The following SH3TC1 variants were observed in gnomAD, a reference collection of about 807,000 sequenced individuals.
SH3TC1 encodes SH3 domain and tetratricopeptide repeats 1, also known as SH3 domain and tetratricopeptide repeat-containing protein 1.
SH3TC1 carries 135 observed loss-of-function variants against 117.3 expected under a neutral mutation model. The observed-to-expected ratio is 1.15, with a 90% CI of 1.00 to 1.33. The LOEUF is 1.33. SH3TC1 is among the 40% of genes most tolerant of loss of function. The probability of loss-of-function intolerance (pLI) is 0.00; values close to 1 mark genes in which losing one functional copy is unlikely to be tolerated. For missense variants in SH3TC1, 2,092 were observed against 1,794.3 expected, an observed-to-expected ratio of 1.17 and a Z score of -3.00; for synonymous variants, 898 against 816.9, an observed-to-expected ratio of 1.10 and a Z score of -1.69.
At position 8,232,932 on chromosome 4, in the gene SH3TC1, C is replaced by T. The variant is rs1026316473; in HGVS notation, c.3132-431C>T. 81 of 1,191,788 alleles carry T rather than the reference C, an allele frequency of 6.8e-5. No individual in the cohort carries two copies. In the Admixed American group the frequency reaches 7.5e-4, roughly 11 times the overall value. 73.8% of individuals were successfully genotyped at this position (1,191,788 alleles called of 1,614,324 possible). ...TGTGGCAAGTGGGAGTTCTAGGGCC[C>T]GCCCCAGGCCCGTGGAGCCAGAAGC... On this transcript the variant is annotated intron_variant, in intron 13 of 17. Transcript: ENST00000245105.
chr4:8,214,417 C>G, intron 4 of SH3TC1, 58 bp from the exon 5 acceptor site: 1 of 1,506,902 alleles, frequency 6.6e-7, no homozygotes, highest in Non-Finnish European at 9.2e-7. Flanking sequence ...CGCTGTCCTC[C>G]TGACAGATGC....
At position 8,227,691 on chromosome 4, in the gene SH3TC1, G is replaced by T; in HGVS notation, c.1997G>T (p.Arg666Leu). ...GGCCAGAGCCTGCAGGCCGAGGCCCGGGCCTGCTTCCTGCTGGCCAGGCAC... is the reference window on the plus strand; with the variant it reads ...GGCCAGAGCCTGCAGGCCGAGGCCCTGGCCTGCTTCCTGCTGGCCAGGCAC... ...VGGQSLQAEA[R>L]ACFLLARHHV... The change falls in exon 12 of 18, where the codon CGG becomes CTG. Residue 666 changes from arginine (R) to leucine (L), a missense_variant. By Grantham distance (102) the Arg-to-Leu change is moderately radical. Coordinates refer to ENST00000245105, the MANE Select transcript of SH3TC1 (RefSeq NM_018986.5). The T allele has an allele frequency of 6.4e-7, 1 of 1,553,014 alleles. No individual in the cohort carries two copies. Among genetic ancestry groups the T allele is most frequent in the African/African-American group, 1.4e-5 (1 of 73,540 alleles).
At position 8,183,976 on chromosome 4, in the gene SH3TC1, T is replaced by A. The variant is rs141764893; in HGVS notation, c.-57+1766T>A. ...CATGTTGGCCAGGCTGGTCTCGAAC[T>A]CCTGACCTCATGATCCGCCCACCTC... On this transcript the variant is annotated intron_variant, in intron 1 of 16. Coordinates refer to the SH3TC1 transcript ENST00000508641. The surrounding 1 kb of genome is among the most constrained non-coding windows in gnomAD (Gnocchi z 5.4). 8.8e-3 allele frequency among the ~76,000 whole-genome samples: 1,333 copies of A among 152,206 alleles called. 17 individuals are homozygous for A. The highest frequency in any genetic ancestry group is 0.03 in the African/African-American group (1,261 of 41,518).
In SH3TC1 at chr4:8,209,443, C is replaced by T. The variant is rs1187616117; in HGVS notation, c.173-305C>T. On this transcript the variant is annotated intron_variant, in intron 2 of 17. Transcript: ENST00000245105. The surrounding 1 kb of genome is among the most constrained non-coding windows in gnomAD (Gnocchi z 5.9). ...CAGAGCCCCTGGGAGGAACAGGGCC[C>T]TGTCCACACCCTCACTTTAGCTCTG... Among the ~76,000 whole-genome samples, 2 of 152,212 alleles carry T rather than the reference C, an allele frequency of 1.3e-5. No individual in the cohort carries two copies. The highest frequency in any genetic ancestry group is 2.9e-5 in the Non-Finnish European group (2 of 68,042).
chr4:8,184,484 A>G (rs1178886522), intron 1 of SH3TC1, among the ~76,000 whole-genome samples: 1 of 152,186 alleles, frequency 6.6e-6, no homozygotes, highest in African/African-American at 2.4e-5. Context: ...GGCTCAAATA[A>G]TCCTCCTGGC....
rs1270978244 is a variant in SH3TC1 at position 8,227,435 on chromosome 4, G to A, written c.1741G>A (p.Val581Met). The change falls in exon 12 of 18, where the codon GTG becomes ATG. Residue 581 changes from valine (V) to methionine (M), a missense_variant. Val to Met is a conservative substitution (Grantham distance 21, BLOSUM62 1). Coordinates refer to ENST00000245105, the MANE Select transcript of SH3TC1 (RefSeq NM_018986.5). Reference protein sequence around the residue: ...SRRLKLSQARVYFEEALGALE... With the variant: ...SRRLKLSQARMYFEEALGALE... ...GAGGCTCAAGCTGTCCCAGGCCCGG[G>A]TGTACTTTGAGGAAGCGCTGGGGGC... 3 of 1,558,790 alleles carry A rather than the reference G, an allele frequency of 1.9e-6. No individual in the cohort carries two copies. Among genetic ancestry groups the A allele is most frequent in the African/African-American group, 2.7e-5 (2 of 72,888 alleles).
Position 8,218,296 on chromosome 4 carries a change from C to A in SH3TC1, c.865C>A (p.Pro289Thr). The change falls in exon 8 of 18, where the codon CCC (proline) becomes ACC (threonine). Residue 289 changes from proline (P) to threonine (T), a missense_variant. Pro to Thr is a conservative substitution (Grantham distance 38, BLOSUM62 -1). Coordinates refer to ENST00000245105, the MANE Select transcript of SH3TC1 (RefSeq NM_018986.5). ...GTGGGCTCTTAGGATCCCCCAGGAC[C>A]CCATCGACGATGCCATGGGTGGCCC... ...HQWALRIPQD[P>T]IDDAMGGPVM... 2.5e-6 allele frequency: 4 copies of A among 1,612,478 alleles called. No homozygotes were observed. Among genetic ancestry groups the A allele is most frequent in the Admixed American group, 1.7e-5 (1 of 59,946 alleles).
chr4:8,203,906 G>C (rs930640492), intron 1 of SH3TC1, among the ~76,000 whole-genome samples: 1 of 152,216 alleles, frequency 6.6e-6, no homozygotes, highest in African/African-American at 2.4e-5. Context: ...CCCGCCCAGA[G>C]AGCAGGGTGG....
intron 8 of SH3TC1, 118 bp downstream of exon 8, chr4:8,218,465 G>A (rs1719543192): frequency 4.5e-6 from 3 of 666,478 alleles, no homozygotes; most frequent in Non-Finnish European, 7.4e-6. Flanking sequence ...ATCAGGTAGT[G>A]CAAGAGTAAT....
At chr4:8,229,539 T>TG (rs1720932711) in intron 12 of SH3TC1, among the ~76,000 whole-genome samples, 1 of 70,446 alleles carries the variant, frequency 1.4e-5, no homozygotes, top group Non-Finnish European at 2.9e-5. Context: ...GGGGTGTAAG[T>TG]GGGGGTGAGT....
At chr4:8,219,010 G>A (rs897998457) in intron 8 of SH3TC1, among the ~76,000 whole-genome samples, 4 of 152,202 alleles carry the variant, frequency 2.6e-5, no homozygotes, top group East Asian at 1.9e-4. Flanking sequence ...TGCAGGAGCC[G>A]GGTGGGGAGT....
chr4:8,202,291 C>A (rs950350869), intron 1 of SH3TC1, among the ~76,000 whole-genome samples: 1 of 152,348 alleles, frequency 6.6e-6, no homozygotes. Context: ...GCTCTCCAGG[C>A]GTGACCAGGG....
At chr4:8,184,258 G>A (rs765958416) in intron 1 of SH3TC1, among the ~76,000 whole-genome samples, 14 of 152,118 alleles carry the variant, frequency 9.2e-5, no homozygotes, top group Non-Finnish European at 1.6e-4. Flanking sequence ...ATCTGTAACC[G>A]CCCACTCCAA....
rs763086307 is a variant in SH3TC1 at position 8,231,968 on chromosome 4, C to T, written c.2951-8C>T. ...AGGCTGACGTCTTCCTTTTTGTCTT[C>T]TGCCCAGGCCAGCTGCGGGCCGTCC... On this transcript the variant is annotated splice_region_variant and splice_polypyrimidine_tract_variant and intron_variant, in intron 12 of 17. Transcript: ENST00000245105. 1.9e-6 allele frequency: 3 copies of T among 1,609,602 alleles called. No individual in the cohort carries two copies. In the African/African-American group the frequency reaches 4.0e-5, roughly 21 times the overall value.
chr4:8,197,788 G>A (rs1049961338), upstream of SH3TC1, among the ~76,000 whole-genome samples: 1 of 152,250 alleles, frequency 6.6e-6, no homozygotes, highest in Non-Finnish European at 1.5e-5. Context: ...TCAGTGGGGC[G>A]GAGGGAGGGT....
upstream of SH3TC1, among the ~76,000 whole-genome samples, chr4:8,196,241 G>C (rs1717553709): frequency 6.6e-6 from 1 of 152,362 alleles, no homozygotes; most frequent in African/African-American, 2.4e-5. The surrounding 1 kb of genome is among the most constrained non-coding windows in gnomAD (Gnocchi z 4.6). Flanking sequence ...GACACCCAGG[G>C]CTACTTGGAG....
rs116316906 is a variant in SH3TC1 at position 8,211,842 on chromosome 4, G to A, written c.248-859G>A. On this transcript the variant is annotated intron_variant, in intron 3 of 17. Coordinates refer to ENST00000245105, the MANE Select transcript of SH3TC1 (RefSeq NM_018986.5). ...GAATGGGACACAGCAGACAGAGCACGTGCCCACCCCTGCGGAAGATTCCGC... is the reference window on the plus strand; with the variant it reads ...GAATGGGACACAGCAGACAGAGCACATGCCCACCCCTGCGGAAGATTCCGC... Among the ~76,000 whole-genome samples the A allele has an allele frequency of 9.1e-4, 139 of 152,200 alleles. 2 individuals carry two copies. Among genetic ancestry groups the A allele is most frequent in the Non-Finnish European group, 1.6e-3 (108 of 68,028 alleles).
At chr4:8,198,439 G>A (rs1717635020), upstream of SH3TC1, among the ~76,000 whole-genome samples, 1 of 152,246 alleles carries the variant, frequency 6.6e-6, no homozygotes, top group African/African-American at 2.4e-5. Flanking sequence ...CCACGTGGGT[G>A]CTCACACTCC....
chr4:8,227,860 G>T lies in SH3TC1; in HGVS notation c.2166G>T (p.Leu722=). The T allele has an allele frequency of 6.2e-7, 1 of 1,612,810 alleles. No individual in the cohort carries two copies. The highest frequency in any genetic ancestry group is 8.5e-7 in the Non-Finnish European group (1 of 1,179,976). Residue 722 remains leucine (L), a synonymous_variant, in exon 12 of 18, where the codon CTG becomes CTT. Coordinates refer to ENST00000245105, the MANE Select transcript of SH3TC1 (RefSeq NM_018986.5). ...LLADIYSRKC[L]PHLVLSCVKV... ...CTGACATCTACAGCCGCAAGTGCCTGCCCCACCTGGTGCTGAGCTGTGTCA... is the reference window on the plus strand; with the variant it reads ...CTGACATCTACAGCCGCAAGTGCCTTCCCCACCTGGTGCTGAGCTGTGTCA...
Sources: gnomAD v4.1 joint callset for allele counts (sites outside exome capture counted in the v4.1 genomes callset) on GRCh38, gnomAD v4.1.1 for gene constraint, Gnocchi (gnomAD v3.1) non-coding constraint, MANE v1.5 for transcripts, NCBI Gene and HGNC (gene_info 2026-07-23, HGNC 2026-07-21) for gene names.